The following DIAPH1 variants were observed in gnomAD, a reference collection of about 807,000 sequenced individuals.
The protein encoded by DIAPH1 is protein diaphanous homolog 1.
Under a neutral mutation model 140.7 loss-of-function variants are expected in DIAPH1, and 46 were observed. That is an observed-to-expected ratio of 0.33 (90% CI 0.26 to 0.42). The LOEUF is 0.42. Among genes scored for constraint, DIAPH1 ranks in the 10% least tolerant of loss-of-function variants. DIAPH1 has a pLI of 1.00. For synonymous variants in DIAPH1, 565 were observed against 551.6 expected (o/e 1.02, Z -0.34); for missense variants, 1,310 against 1,558.7 (o/e 0.84, Z 2.69).
At chr5:141,546,147 T>C (rs994284265) in intron 18 of DIAPH1, among the ~76,000 whole-genome samples, 1 of 152,064 alleles carries the variant, frequency 6.6e-6, no homozygotes, top group African/African-American at 2.4e-5. Context: ...TTTGGGAGGC[T>C]GAGGTGGGCA....
At chr5:141,606,042 C>T (rs1430382494) in intron 1 of DIAPH1, among the ~76,000 whole-genome samples, 2 of 152,158 alleles carry the variant, frequency 1.3e-5, no homozygotes, top group South Asian at 2.1e-4. Context: ...CTAAAAATAT[C>T]CCTCTAGGCC....
chr5:141,582,059 CAAAAAAAAAAAAAAAAA>C, intron 7 of DIAPH1: 1 of 78,306 alleles, frequency 1.3e-5, no homozygotes, highest in East Asian at 3.5e-4. Flanking sequence ...GACTCCATCT[CAAAAAAAAAAAAAAAAA>C]AAAAAAAAAA....
chr5:141,524,894 G>A (rs567181121), intron 26 of DIAPH1: 15 of 155,740 alleles, frequency 9.6e-5, no homozygotes, highest in East Asian at 1.9e-4. Flanking sequence ...TGCTCCCAGC[G>A]CCACCTGCTG....
chr5:141,583,020 TC>T (rs1252227773), intron 6 of DIAPH1, among the ~76,000 whole-genome samples, 185 bp downstream of exon 6: 1 of 152,212 alleles, frequency 6.6e-6, no homozygotes, highest in Non-Finnish European at 1.5e-5. Flanking sequence ...AAGTTCCTCC[TC>T]CCTTTCCTGT....
intron 1 of DIAPH1, among the ~76,000 whole-genome samples, chr5:141,593,610 C>A (rs2099898833): frequency 1.3e-5 from 2 of 152,190 alleles, no homozygotes; most frequent in Admixed American, 1.3e-4. Flanking sequence ...TACAGCACTA[C>A]TAAGGTGGCT....
intron 18 of DIAPH1, among the ~76,000 whole-genome samples, chr5:141,562,210 GCTA>G (rs139389774): frequency 0.039 from 5,750 of 148,922 alleles, 327 homozygotes; most frequent in African/African-American, 0.13. Context: ...GGTTACTGTA[GCTA>G]CTGTTTCAAA....
At position 141,527,690 on chromosome 5, in the gene DIAPH1, AGCAG is replaced by A; in HGVS notation, c.3152_3155del (p.Ser1051LeufsTer8). 1 of 1,428,262 alleles carries A rather than the reference AGCAG, an allele frequency of 7.0e-7. No homozygotes were observed. Among genetic ancestry groups the A allele is most frequent in the South Asian group, 1.3e-5 (1 of 79,650 alleles). 88.5% of individuals were successfully genotyped at this position (1,428,262 alleles called of 1,614,324 possible). On this transcript the variant is annotated frameshift_variant, in exon 24 of 28. Coordinates refer to ENST00000389054, the MANE Select transcript of DIAPH1 (RefSeq NM_005219.5). LOFTEE classifies it high-confidence loss of function. ...GATCTAGGTTCTTTTGCAAGTTTTC[AGCAG>A]AAACTAAAAAAAAAAAAAAAAAAAA... is the stretch of plus-strand genomic sequence containing the variant.
intron 18 of DIAPH1, chr5:141,536,108 T>A (rs1456206950): frequency 2.3e-6 from 1 of 431,206 alleles, no homozygotes; most frequent in Admixed American, 2.7e-5. Flanking sequence ...GAGACCAACC[T>A]GACCAACATG....
chr5:141,594,506 C>T (rs2099898994), intron 1 of DIAPH1, among the ~76,000 whole-genome samples: 1 of 152,160 alleles, frequency 6.6e-6, no homozygotes, highest in South Asian at 2.1e-4. Context: ...CTCTGGGAGG[C>T]TGAGACGGGT....
rs1009903931 is a variant in DIAPH1, at chr5:141,592,281, C to G, written c.118-4031G>C. On this transcript the variant is annotated intron_variant, in intron 1 of 27. Coordinates refer to ENST00000389054, the MANE Select transcript of DIAPH1 (RefSeq NM_005219.5). ...AGCAAAACGGTTTTAGAATCCAATACAACACTCAAACAGCAAGCTCAATTA... is the reference window on the plus strand; with the variant it reads ...AGCAAAACGGTTTTAGAATCCAATAGAACACTCAAACAGCAAGCTCAATTA... Among the ~76,000 whole-genome samples the G allele has an allele frequency of 2.6e-5, 4 of 152,100 alleles. No homozygotes were observed. In the East Asian group the frequency reaches 7.7e-4, roughly 29 times the overall value.
chr5:141,524,379 A>C, intron 26 of DIAPH1, 150 bp from the exon 27 acceptor site: 1 of 737,304 alleles, frequency 1.4e-6, no homozygotes, highest in South Asian at 1.5e-5. Context: ...GCTCAGCCTT[A>C]AGTCTCACAC....
intron 14 of DIAPH1, among the ~76,000 whole-genome samples, 200 bp downstream of exon 14, chr5:141,576,030 A>G (rs1462538368): frequency 6.6e-6 from 1 of 152,156 alleles, no homozygotes; most frequent in Non-Finnish European, 1.5e-5. Context: ...AAAGTCCACC[A>G]CTAGAGCTCC....
chr5:141,612,855 T>C (rs2099902064), intron 1 of DIAPH1, among the ~76,000 whole-genome samples: 1 of 152,228 alleles, frequency 6.6e-6, no homozygotes, highest in Non-Finnish European at 1.5e-5. Context: ...CAGACAGATC[T>C]GAGATGTAAG....
At chr5:141,560,552 T>C (rs1312734130) in intron 18 of DIAPH1, 1 of 164,518 alleles carries the variant, frequency 6.1e-6, no homozygotes, top group African/African-American at 2.4e-5. Context: ...AAATAATAGT[T>C]GATAATCCCC....
intron 19 of DIAPH1, among the ~76,000 whole-genome samples, chr5:141,533,615 G>A (rs1283634363): frequency 6.6e-6 from 1 of 152,174 alleles, no homozygotes. Context: ...GTGAGGCTGA[G>A]GTGGGCAGAT....
intron 3 of DIAPH1, among the ~76,000 whole-genome samples, chr5:141,586,035 C>A (rs1314962838): frequency 6.6e-6 from 1 of 152,194 alleles, no homozygotes; most frequent in Non-Finnish European, 1.5e-5. Flanking sequence ...AATGCAACCA[C>A]CTACTAGAAC....
chr5:141,537,483 C>CAA lies in DIAPH1; in HGVS notation c.2483-3052_2483-3051dup, dbSNP rs34323841. ...GGGCAAAAAGAGCAAAACTCCGTCT[C>CAA]AAAAAAAAAAAAAAAAAAAAAAAAA... On this transcript the variant is annotated intron_variant, in intron 18 of 27. Coordinates refer to ENST00000389054, the MANE Select transcript of DIAPH1 (RefSeq NM_005219.5). Among the ~76,000 whole-genome samples the CAA allele has an allele frequency of 3.3e-3, 121 of 36,924 alleles. 4 individuals carry two copies. The highest frequency in any genetic ancestry group is 4.0e-3 in the Non-Finnish European group (92 of 22,886). 24.2% of individuals were successfully genotyped at this position (36,924 alleles called of 152,430 possible). A position where few individuals can be genotyped will look rare whatever the true frequency, so the allele number is the denominator to read the frequency against.
chr5:141,591,191 G>A (rs2154596824), intron 1 of DIAPH1, among the ~76,000 whole-genome samples: 1 of 152,070 alleles, frequency 6.6e-6, no homozygotes, highest in Admixed American at 6.6e-5. Context: ...TGCCTCCTCA[G>A]CCTAGATTGT....
At chr5:141,527,794 A>T (rs746107885) in intron 23 of DIAPH1, 97 bp from the exon 24 acceptor site, 48 of 1,394,552 alleles carry the variant, frequency 3.4e-5, no homozygotes, top group Non-Finnish European at 4.2e-5. Flanking sequence ...CTTTCAGAGC[A>T]TAGCTTCAGT....
Sources: gnomAD v4.1 joint callset for allele counts (sites outside exome capture counted in the v4.1 genomes callset) on GRCh38, gnomAD v4.1.1 for gene constraint, MANE v1.5 for transcripts, NCBI Gene and HGNC (gene_info 2026-07-23, HGNC 2026-07-21) for gene names.